The following SCHIP1 variants were observed in gnomAD, a reference collection of about 807,000 sequenced individuals.
SCHIP1 encodes the protein schwannomin interacting protein 1, also known as schwannomin-interacting protein 1.
A neutral mutation model predicts 29.7 loss-of-function variants in SCHIP1; 8 were observed. The ratio of observed to expected loss-of-function variants is 0.27; its 90% confidence interval spans 0.16 to 0.49. SCHIP1 has a LOEUF of 0.49. Among genes scored for constraint, SCHIP1 ranks in the 20% least tolerant of loss-of-function variants. The pLI is 0.99. For synonymous variants in SCHIP1, 76 were observed against 94.9 expected, an observed-to-expected ratio of 0.80 and a Z score of 1.16; for missense variants, 193 against 294.6, an observed-to-expected ratio of 0.66 and a Z score of 2.52.
At chr3:159,659,920 C>T in the SCHIP1 span, among the ~76,000 whole-genome samples, 675 of 152,144 alleles carry the variant, frequency 4.4e-3, 8 homozygotes, top group Admixed American at 0.024. Context: ...GCAGATCTAT[C>T]GTGTATTCTG....
At chr3:159,706,924 G>GCACTCGTTATGTGTCAGA in the SCHIP1 span, among the ~76,000 whole-genome samples, 27 of 152,308 alleles carry the variant, frequency 1.8e-4, no homozygotes, top group Admixed American at 5.2e-4. Context: ...CATTTATTCA[G>GCACTCGTTATGTGTCAGA]CACTCGTTAT....
At chr3:159,358,501 C>A in the SCHIP1 span, among the ~76,000 whole-genome samples, 1 of 152,182 alleles carries the variant, frequency 6.6e-6, no homozygotes, top group Admixed American at 6.5e-5. Context: ...ATGCCTCTGA[C>A]AGGATTACCT....
At chr3:159,866,570 G>A (rs187959058) in intron 2 of SCHIP1, among the ~76,000 whole-genome samples, 28 of 151,990 alleles carry the variant, frequency 1.8e-4, no homozygotes, top group Admixed American at 1.4e-3. Context: ...GAGGAATCAA[G>A]CCACACTCCT....
upstream of SCHIP1, among the ~76,000 whole-genome samples, chr3:159,837,963 C>T (rs977204900): frequency 1.9e-4 from 29 of 152,178 alleles, no homozygotes; most frequent in African/African-American, 5.6e-4. Context: ...AAGTCCTGCA[C>T]GTGTTATGTG....
chr3:159,729,020 A>C, the SCHIP1 span, among the ~76,000 whole-genome samples: 1 of 152,084 alleles, frequency 6.6e-6, no homozygotes, highest in African/African-American at 2.4e-5. Flanking sequence ...ATGGTGGTAC[A>C]TGCTGTAGTC....
intron 1 of SCHIP1, among the ~76,000 whole-genome samples, chr3:159,853,977 T>C (rs1213913879): frequency 6.6e-6 from 1 of 152,194 alleles, no homozygotes; most frequent in East Asian, 1.9e-4. Flanking sequence ...TTTTATATGG[T>C]AATGTTCTGG....
At chr3:159,474,685 T>G in the SCHIP1 span, among the ~76,000 whole-genome samples, 42 of 152,136 alleles carry the variant, frequency 2.8e-4, no homozygotes, top group African/African-American at 8.9e-4. Context: ...AGATGTAAGA[T>G]TAGGTGGGAA....
At chr3:159,334,156 A>G in the SCHIP1 span, among the ~76,000 whole-genome samples, 3 of 152,202 alleles carry the variant, frequency 2.0e-5, no homozygotes, top group Non-Finnish European at 4.4e-5. Flanking sequence ...CATCTTTATC[A>G]TATGGAAATA....
the SCHIP1 span, among the ~76,000 whole-genome samples, chr3:159,571,957 G>A: frequency 1.3e-4 from 20 of 152,100 alleles, no homozygotes; most frequent in Admixed American, 1.3e-3. Context: ...GTATTTCTGT[G>A]GGATCGGTGG....
chr3:159,889,151 A>G (rs1030154215), intron 5 of SCHIP1, among the ~76,000 whole-genome samples: 2 of 152,204 alleles, frequency 1.3e-5, no homozygotes, highest in African/African-American at 2.4e-5. Context: ...AAGATTCACA[A>G]TAGTTATAGG....
At chr3:159,773,174 T>G in the SCHIP1 span, among the ~76,000 whole-genome samples, 1 of 152,244 alleles carries the variant, frequency 6.6e-6, no homozygotes, top group African/African-American at 2.4e-5. Flanking sequence ...GCGGGTGCTT[T>G]TCCTTAGTTG....
At chr3:159,859,282 C>CTA (rs1713760095) in intron 1 of SCHIP1, among the ~76,000 whole-genome samples, 1 of 152,094 alleles carries the variant, frequency 6.6e-6, no homozygotes, top group Non-Finnish European at 1.5e-5. Flanking sequence ...CTAGAAAGTA[C>CTA]TATTAGTATA....
the SCHIP1 span, among the ~76,000 whole-genome samples, chr3:159,582,515 T>G: frequency 6.6e-6 from 1 of 152,142 alleles, no homozygotes; most frequent in South Asian, 2.1e-4. Context: ...GTATTTTTTT[T>G]AATAATTTTA....
chr3:159,309,276 A>C, the SCHIP1 span: 2 of 176,636 alleles, frequency 1.1e-5, no homozygotes, highest in Non-Finnish European at 2.2e-5. Flanking sequence ...CGTATTTAAA[A>C]TATTAAGGTT....
chr3:159,639,512 C>T, the SCHIP1 span, among the ~76,000 whole-genome samples: 1 of 151,940 alleles, frequency 6.6e-6, no homozygotes, highest in Non-Finnish European at 1.5e-5. Flanking sequence ...AAATCAGACC[C>T]ATAGAAAAGG....
chr3:159,518,251 T>C, the SCHIP1 span, among the ~76,000 whole-genome samples: 1 of 152,054 alleles, frequency 6.6e-6, no homozygotes, highest in Non-Finnish European at 1.5e-5. Flanking sequence ...AACACACCTA[T>C]GAAAGTGAGA....
chr3:159,684,736 G>A, the SCHIP1 span, among the ~76,000 whole-genome samples: 3 of 151,394 alleles, frequency 2.0e-5, no homozygotes, highest in Non-Finnish European at 2.9e-5. Context: ...CCCAGGAGGC[G>A]GAGGTTGCAG....
the SCHIP1 span, among the ~76,000 whole-genome samples, chr3:159,806,103 CT>C: frequency 6.6e-6 from 1 of 152,338 alleles, no homozygotes; most frequent in Admixed American, 6.5e-5. Flanking sequence ...GCCACCGCGC[CT>C]GGCCAATTGT....
the SCHIP1 span, among the ~76,000 whole-genome samples, chr3:159,814,482 T>C: frequency 1.3e-5 from 2 of 152,264 alleles, no homozygotes; most frequent in African/African-American, 4.8e-5. Context: ...CTCTCGCGGG[T>C]ATAGCAGAGA....
Sources: gnomAD v4.1 joint callset for allele counts (sites outside exome capture counted in the v4.1 genomes callset) on GRCh38, gnomAD v4.1.1 for gene constraint, MANE v1.5 for transcripts, NCBI Gene and HGNC (gene_info 2026-07-23, HGNC 2026-07-21) for gene names.